The following GPR155 variants were observed in gnomAD, a reference collection of about 807,000 sequenced individuals.
The protein encoded by GPR155 is lysosomal cholesterol signaling protein.
In GPR155, 65 loss-of-function variants were observed where a neutral mutation model predicts 93.1. The ratio of observed to expected loss-of-function variants is 0.70; its 90% CI spans 0.57 to 0.86. The LOEUF (loss-of-function observed/expected upper bound fraction) is 0.86, where lower values mean the gene tolerates loss of function less well. Among genes scored for constraint, GPR155 ranks in the 40% least tolerant of loss-of-function variants. The pLI, the probability that GPR155 is intolerant of heterozygous loss-of-function variation, is 0.00. For synonymous variants in GPR155, 319 were observed against 360.1 expected (o/e 0.89, Z 1.29); for missense variants, 838 against 1,034.8 (o/e 0.81, Z 2.61).
chr2:174,463,991 A>G (rs1038235617), intron 7 of GPR155, among the ~76,000 whole-genome samples: 6 of 152,200 alleles, frequency 3.9e-5, no homozygotes, highest in African/African-American at 9.6e-5. Context: ...CAAGTAACCA[A>G]TCACAAAAGG....
At position 174,433,528 on chromosome 2, in the gene GPR155, C is replaced by T. The variant is rs1686694817; in HGVS notation, c.*2588G>A. The T allele has an allele frequency of 6.6e-6, 1 of 152,154 alleles. No homozygotes were observed. Among genetic ancestry groups the T allele is most frequent in the African/African-American group, 2.4e-5 (1 of 41,438 alleles). The allele number at this position is 152,154 out of a possible 1,614,324, so 9.4% of individuals were successfully genotyped here. A position where few individuals can be genotyped will look rare whatever the true frequency, so the allele number is the denominator to read the frequency against. ...TACTGATGGGAAGAATTTACACAGC[C>T]CCACTTCTCTGCCTGTAGAAATGTA... On this transcript the variant is annotated 3_prime_UTR_variant, in exon 16 of 16. Transcript: ENST00000392552.
At chr2:174,456,078 G>A (rs1687508755) in intron 10 of GPR155, among the ~76,000 whole-genome samples, 4 of 152,100 alleles carry the variant, frequency 2.6e-5, no homozygotes, top group Admixed American at 6.6e-5. Flanking sequence ...CTGACCTCAA[G>A]TGATCTGCTT....
At chr2:174,472,172 G>A (rs1458320344) in intron 3 of GPR155, among the ~76,000 whole-genome samples, 5 of 152,188 alleles carry the variant, frequency 3.3e-5, no homozygotes, top group Admixed American at 1.3e-4. Context: ...TTGGGAGGCC[G>A]AGATGGATGG....
intron 9 of GPR155, 95 bp downstream of exon 9, chr2:174,461,307 T>A (rs1687685509): frequency 2.6e-6 from 2 of 756,096 alleles, no homozygotes; most frequent in Admixed American, 4.5e-5. Context: ...TTGAAATAGA[T>A]TTTCAAAGTT....
chr2:174,457,351 A>AAGAAG (rs1185639152), intron 10 of GPR155, among the ~76,000 whole-genome samples: 1 of 152,192 alleles, frequency 6.6e-6, no homozygotes, highest in African/African-American at 2.4e-5. Context: ...AAAAGAAGAG[A>AAGAAG]AGAAGAGAAG....
chr2:174,447,605 ATTATAT>A (rs1009634722), intron 11 of GPR155, among the ~76,000 whole-genome samples: 2 of 146,188 alleles, frequency 1.4e-5, no homozygotes, highest in African/African-American at 4.9e-5. Flanking sequence ...TTTATATTTA[ATTATAT>A]TTATAATTTA....
chr2:174,459,743 G>T, intron 10 of GPR155, 135 bp downstream of exon 10: 1 of 616,898 alleles, frequency 1.6e-6, no homozygotes, highest in Non-Finnish European at 2.8e-6. Flanking sequence ...TACTCTGGAG[G>T]CTCAGGTGGC....
intron 11 of GPR155, among the ~76,000 whole-genome samples, chr2:174,453,377 C>T (rs1482606694): frequency 2.0e-5 from 3 of 152,024 alleles, no homozygotes; most frequent in Admixed American, 6.6e-5. Flanking sequence ...AAGGAATCTT[C>T]TGGCCGGGTG....
At chr2:174,446,061 C>T (rs964312934) in intron 12 of GPR155, among the ~76,000 whole-genome samples, 3 of 151,818 alleles carry the variant, frequency 2.0e-5, no homozygotes, top group African/African-American at 4.8e-5. Context: ...AATTCCAGCA[C>T]TTTGGGAGGC....
At position 174,433,741 on chromosome 2, in the gene GPR155, T is replaced by C. The variant is rs1686699184; in HGVS notation, c.*2375A>G. ...CCATCTATGAGCCAGAAATTTGCCT[T>C]ACCAGACACTAGATCTGTTAGTGCC... is the stretch of plus-strand genomic sequence containing the variant. On this transcript the variant is annotated 3_prime_UTR_variant, in exon 16 of 16. Transcript: ENST00000392552. 1 of 152,202 alleles carries C rather than the reference T, an allele frequency of 6.6e-6. No individual in the cohort carries two copies. Among genetic ancestry groups the C allele is most frequent in the Non-Finnish European group, 1.5e-5 (1 of 68,048 alleles). 9.4% of individuals were successfully genotyped at this position (152,202 alleles called of 1,614,324 possible).
At chr2:174,466,428 C>T (rs1406190134) in intron 6 of GPR155, 116 bp downstream of exon 6, 1 of 659,814 alleles carries the variant, frequency 1.5e-6, no homozygotes, top group East Asian at 2.8e-5. Flanking sequence ...TAATTGACTG[C>T]ATTTGGTAAT....
At chr2:174,468,757 A>C (rs1310332821) in intron 5 of GPR155, among the ~76,000 whole-genome samples, 155 bp downstream of exon 5, 3 of 152,146 alleles carry the variant, frequency 2.0e-5, no homozygotes, top group East Asian at 3.8e-4. Flanking sequence ...GAAAAACAAA[A>C]CTCAGTTAAT....
chr2:174,453,316 T>G (rs946965706), intron 11 of GPR155, among the ~76,000 whole-genome samples: 13 of 152,220 alleles, frequency 8.5e-5, no homozygotes, highest in African/African-American at 2.9e-4. Context: ...ATTCTTGATG[T>G]TTGTAACTTC....
At chr2:174,465,237 T>C (rs1230838663) in intron 7 of GPR155, among the ~76,000 whole-genome samples, 1 of 152,214 alleles carries the variant, frequency 6.6e-6, no homozygotes, top group African/African-American at 2.4e-5. Context: ...ATTCTTCTAT[T>C]TAATAACTAA....
chr2:174,470,276 C>G lies in GPR155; in HGVS notation c.1026+114G>C, dbSNP rs1026234216. On this transcript the variant is annotated intron_variant, in intron 4 of 15. Transcript: ENST00000392552. ...CAGCCTGGGGCAACATAGTGAGACC[C>G]CCGTCGTCTCTATTTTTTCATTTTT... 9 of 818,130 alleles carry G rather than the reference C, an allele frequency of 1.1e-5. No individual in the cohort carries two copies. In the Admixed American group the frequency reaches 2.3e-4, roughly 21 times the overall value. The allele number at this position is 818,130 out of a possible 1,614,324, so 50.7% of individuals were successfully genotyped here. A position where few individuals can be genotyped will look rare whatever the true frequency, so the allele number is the denominator to read the frequency against.
At chr2:174,458,812 G>A (rs1687595425) in intron 10 of GPR155, among the ~76,000 whole-genome samples, 1 of 152,060 alleles carries the variant, frequency 6.6e-6, no homozygotes, top group Non-Finnish European at 1.5e-5. Context: ...TTTAGGCTGG[G>A]TGCAGTGGCT....
chr2:174,476,758 TTAG>T (rs1474192110), intron 2 of GPR155, among the ~76,000 whole-genome samples: 1 of 152,234 alleles, frequency 6.6e-6, no homozygotes, highest in African/African-American at 2.4e-5. Flanking sequence ...ACATTCATAA[TTAG>T]TAGTTCTTTA....
At chr2:174,461,547 T>C in intron 8 of GPR155, 41 bp downstream of exon 8, 1 of 1,552,364 alleles carries the variant, frequency 6.4e-7, no homozygotes, top group South Asian at 1.1e-5. Context: ...AGTAACTGTC[T>C]ATATGGAAAG....
Position 174,445,227 on chromosome 2 carries a change from C to A in GPR155, c.2014-51G>T, listed in dbSNP as rs749680198. On this transcript the variant is annotated intron_variant, in intron 12 of 15. Coordinates refer to ENST00000392552, the MANE Select transcript of GPR155 (RefSeq NM_152529.7). ...TTTAAAATCAAGCAAGCTGATAATT[C>A]CTCTCCATCCACAGCATAGTACAAT... 4.5e-6 allele frequency: 4 copies of A among 881,292 alleles called. No individual in the cohort carries two copies. In the East Asian group the frequency reaches 9.7e-5, roughly 21 times the overall value. 54.6% of individuals were successfully genotyped at this position (881,292 alleles called of 1,614,324 possible).
Sources: allele counts gnomAD v4.1 joint callset (sites outside exome capture counted in the v4.1 genomes callset), GRCh38; gene constraint gnomAD v4.1.1; transcripts MANE v1.5; gene names NCBI Gene and HGNC (gene_info 2026-07-23, HGNC 2026-07-21).